Variants in RUNX1 observed in about 807,000 individuals in gnomAD.
RUNX1 encodes RUNX family transcription factor 1, also known as runt-related transcription factor 1.
A neutral mutation model predicts 42.8 loss-of-function variants in RUNX1; 19 were observed. The ratio of observed to expected loss-of-function variants is 0.44; its 90% confidence interval spans 0.31 to 0.65. The LOEUF (loss-of-function observed/expected upper bound fraction) is 0.65. Ranked by LOEUF, RUNX1 falls within the 30% of genes least tolerant of loss-of-function variation. The pLI is 0.07. For missense variants in RUNX1, 528 were observed against 672.0 expected (o/e 0.79, Z 2.37); for synonymous variants, 271 against 289.4 (o/e 0.94, Z 0.64).
At chr21:34,841,221 A>AG (rs1293564019) in intron 6 of RUNX1, among the ~76,000 whole-genome samples, 1 of 152,054 alleles carries the variant, frequency 6.6e-6, no homozygotes, top group Non-Finnish European at 1.5e-5. Flanking sequence ...CTGTTCCTCT[A>AG]GCTCATGCCC....
intron 5 of RUNX1, among the ~76,000 whole-genome samples, chr21:34,860,807 A>G (rs1601473591): frequency 6.6e-6 from 1 of 152,344 alleles, no homozygotes; most frequent in Middle Eastern, 3.4e-3. Context: ...ATACAAAGGA[A>G]GGCCACAGAA....
chr21:35,005,872 G>A (rs977836706), intron 2 of RUNX1, among the ~76,000 whole-genome samples: 1 of 152,230 alleles, frequency 6.6e-6, no homozygotes, highest in Non-Finnish European at 1.5e-5. Context: ...TTGCAGGTGT[G>A]CCTCATGGCC....
intron 2 of RUNX1, among the ~76,000 whole-genome samples, chr21:34,920,788 G>GT (rs11384665): frequency 0.77 from 117,506 of 152,074 alleles, 47,793 homozygotes; most frequent in South Asian, 0.92. Flanking sequence ...ATTTTTTCAT[G>GT]TTTTTTCTAG....
chr21:34,862,115 T>TGAGAGA (rs137981085), intron 5 of RUNX1, among the ~76,000 whole-genome samples: 1 of 148,528 alleles, frequency 6.7e-6, no homozygotes, highest in African/African-American at 2.5e-5. Flanking sequence ...TGTGGGTGTA[T>TGAGAGA]GAGAGAGAGA....
At chr21:34,954,109 G>A (rs1003944999) in intron 2 of RUNX1, among the ~76,000 whole-genome samples, 7 of 152,174 alleles carry the variant, frequency 4.6e-5, no homozygotes, top group Admixed American at 1.3e-4. Context: ...TGTCACTTGA[G>A]ATATTATCTA....
chr21:34,875,666 T>C (rs899916840), intron 5 of RUNX1, among the ~76,000 whole-genome samples: 4 of 152,196 alleles, frequency 2.6e-5, no homozygotes, highest in African/African-American at 9.7e-5. Flanking sequence ...AATCTGTTAA[T>C]AGAATAGAGA....
At chr21:34,941,811 TTTTTC>T (rs2058528863) in intron 2 of RUNX1, among the ~76,000 whole-genome samples, 1 of 151,868 alleles carries the variant, frequency 6.6e-6, no homozygotes, top group Admixed American at 6.6e-5. Flanking sequence ...TGATGATTTC[TTTTTC>T]TTTTATTTTT....
In RUNX1 at chr21:34,792,743, C is replaced by T; in HGVS notation, c.968-133G>A. Reference sequence around the variant, plus strand: ...TGGGAAGCCACCCAGGATGCTACTGCTGGGGAGGACGGGGACCACCCGGGA... The same window carrying T: ...TGGGAAGCCACCCAGGATGCTACTGTTGGGGAGGACGGGGACCACCCGGGA... On this transcript the variant is annotated intron_variant, in intron 8 of 8. Transcript: ENST00000675419. This position sits in a 1 kb window ranked among gnomAD's most constrained non-coding sequence, Gnocchi z 6.9. 1.1e-6 allele frequency: 1 copy of T among 869,906 alleles called. No individual in the cohort carries two copies. Among genetic ancestry groups the T allele is most frequent in the East Asian group, 2.7e-5 (1 of 37,148 alleles). The allele number at this position is 869,906 out of a possible 1,614,324, so 53.9% of individuals were successfully genotyped here.
At position 34,791,238 on chromosome 21, in the gene RUNX1, A is replaced by G. The variant is rs1035827815; in HGVS notation, c.*897T>C. ...CATTCTTTTTTTCTAGCCTTCTTCA[A>G]TGTGATACATTTAACTTTGGCTACT... On this transcript the variant is annotated 3_prime_UTR_variant, in exon 9 of 9. Coordinates refer to ENST00000675419, the MANE Select transcript of RUNX1 (RefSeq NM_001754.5). 1.3e-5 allele frequency: 3 copies of G among 233,134 alleles called. No homozygotes were observed. Among genetic ancestry groups the G allele is most frequent in the East Asian group, 6.1e-5 (1 of 16,446 alleles). The allele number at this position is 233,134 out of a possible 1,614,324, so 14.4% of individuals were successfully genotyped here.
intron 6 of RUNX1, among the ~76,000 whole-genome samples, chr21:34,848,994 T>C (rs1395542978): frequency 2.0e-5 from 3 of 151,780 alleles, no homozygotes; most frequent in Admixed American, 2.0e-4. Flanking sequence ...TAAGCCATGG[T>C]GAACAAAAAC....
chr21:34,844,525 G>A (rs957113013), intron 6 of RUNX1, among the ~76,000 whole-genome samples: 2 of 152,186 alleles, frequency 1.3e-5, no homozygotes, highest in Non-Finnish European at 2.9e-5. Flanking sequence ...CAGGACCGAG[G>A]TAAAGGCAGG....
intron 3 of RUNX1, chr21:34,889,605 G>A: frequency 9.9e-7 from 1 of 1,008,422 alleles, no homozygotes; most frequent in Non-Finnish European, 1.2e-6. Context: ...TCTCCCCTCC[G>A]GCTCCCCGGA....
chr21:35,027,196 C>T (rs575359782), intron 2 of RUNX1, among the ~76,000 whole-genome samples: 4 of 152,340 alleles, frequency 2.6e-5, no homozygotes, highest in African/African-American at 7.2e-5. Flanking sequence ...AAACTGATTC[C>T]ACTACCCCAT....
At chr21:34,814,754 G>T (rs2056802556) in intron 7 of RUNX1, among the ~76,000 whole-genome samples, 1 of 152,154 alleles carries the variant, frequency 6.6e-6, no homozygotes, top group Non-Finnish European at 1.5e-5. Context: ...GTCTTTTCCA[G>T]TTCTGGATCC....
At chr21:34,813,210 A>G (rs1258124413) in intron 7 of RUNX1, among the ~76,000 whole-genome samples, 3 of 152,102 alleles carry the variant, frequency 2.0e-5, no homozygotes, top group Admixed American at 2.0e-4. Flanking sequence ...ATGCTGCTCA[A>G]CATCCTACAA....
intron 6 of RUNX1, among the ~76,000 whole-genome samples, chr21:34,841,393 T>C (rs896969620): frequency 6.6e-6 from 1 of 152,154 alleles, no homozygotes; most frequent in Non-Finnish European, 1.5e-5. Flanking sequence ...AGAGCTTTTG[T>C]ACTCTTGTGG....
At chr21:34,857,071 T>C (rs1461107141) in intron 6 of RUNX1, among the ~76,000 whole-genome samples, 2 of 152,164 alleles carry the variant, frequency 1.3e-5, no homozygotes, top group East Asian at 3.9e-4. Flanking sequence ...GCACTTGGCT[T>C]TTTTCTAGAA....
At chr21:34,890,354 C>A (rs1018984442) in intron 3 of RUNX1, among the ~76,000 whole-genome samples, 13 of 152,148 alleles carry the variant, frequency 8.5e-5, no homozygotes, top group Admixed American at 3.3e-4. Flanking sequence ...GACAGGAAGC[C>A]GCCCCAGAGC....
chr21:34,874,881 C>T lies in RUNX1; in HGVS notation c.508+5676G>A, dbSNP rs200218294. Among the ~76,000 whole-genome samples, 4 of 152,106 alleles carry T rather than the reference C, an allele frequency of 2.6e-5. No homozygotes were observed. In the East Asian group the frequency reaches 5.8e-4, roughly 22 times the overall value. ...TGCTGAAACAGGAAGCTCTAAAAAT[C>T]ACTCAACCATTATTTCTCTTGCAGG... On this transcript the variant is annotated intron_variant, in intron 5 of 8. Transcript: ENST00000675419.
Sources: allele counts gnomAD v4.1 joint callset (sites outside exome capture counted in the v4.1 genomes callset), GRCh38; gene constraint gnomAD v4.1.1; non-coding constraint Gnocchi (gnomAD v3.1); transcripts MANE v1.5; gene names NCBI Gene and HGNC (gene_info 2026-07-23, HGNC 2026-07-21).